BACH1: variants seen among roughly 807,000 people sequenced by gnomAD.
BACH1 encodes the protein transcription regulator protein BACH1.
In BACH1, 35 loss-of-function variants were observed where a neutral mutation model predicts 52.9. The ratio of observed to expected loss-of-function variants is 0.66; its 90% CI spans 0.51 to 0.88. BACH1 has a LOEUF of 0.88. BACH1 is among the 40% of genes least tolerant of loss of function. The probability of loss-of-function intolerance (pLI) is 0.00; values close to 1 mark genes in which losing one functional copy is unlikely to be tolerated. For synonymous variants in BACH1, 321 were observed against 319.6 expected, an observed-to-expected ratio of 1.00 and a Z score of -0.05; for missense variants, 808 against 872.6, an observed-to-expected ratio of 0.93 and a Z score of 0.93.
intron 1 of BACH1, among the ~76,000 whole-genome samples, chr21:29,302,246 G>A (rs954273833): frequency 7.9e-5 from 12 of 152,326 alleles, no homozygotes; most frequent in Non-Finnish European, 1.6e-4. Context: ...GTCAAATGAG[G>A]TAATGTACCG....
chr21:29,314,385 T>C (rs530295853), intron 1 of BACH1, among the ~76,000 whole-genome samples: 1 of 152,340 alleles, frequency 6.6e-6, no homozygotes, highest in East Asian at 1.9e-4. Flanking sequence ...TTTAACAAAC[T>C]TCCCTAACAG....
At chr21:29,331,276 GCTT>G (rs754756974) in intron 4 of BACH1, among the ~76,000 whole-genome samples, 2 of 152,126 alleles carry the variant, frequency 1.3e-5, no homozygotes, top group East Asian at 3.8e-4. Flanking sequence ...TCTTAGTTAT[GCTT>G]CTTAGTTCTT....
chr21:29,305,134 T>G (rs943121339), intron 1 of BACH1: 4 of 151,370 alleles, frequency 2.6e-5, no homozygotes, highest in African/African-American at 9.7e-5. Flanking sequence ...TAATTCAGGT[T>G]AAAAGAGGTA....
chr21:29,349,073 G>A (rs1424448753), downstream of BACH1, among the ~76,000 whole-genome samples: 3 of 149,448 alleles, frequency 2.0e-5, no homozygotes, highest in Admixed American at 6.7e-5. Flanking sequence ...CAGCCTGGGC[G>A]ACAGAGTGAG....
At chr21:29,304,699 C>G (rs1255028749) in intron 1 of BACH1, among the ~76,000 whole-genome samples, 1 of 152,056 alleles carries the variant, frequency 6.6e-6, no homozygotes, top group Non-Finnish European at 1.5e-5. Flanking sequence ...ATTGATTTGT[C>G]TGCCTCCAGG....
chr21:29,327,593 C>T (rs927785849), intron 3 of BACH1, among the ~76,000 whole-genome samples, 200 bp downstream of exon 3: 13 of 152,074 alleles, frequency 8.5e-5, no homozygotes, highest in African/African-American at 1.7e-4. Context: ...TTTGAGAAGC[C>T]GAGGTGTGGG....
chr21:29,336,161 C>G (rs2089041653), intron 4 of BACH1, among the ~76,000 whole-genome samples: 1 of 152,162 alleles, frequency 6.6e-6, no homozygotes, highest in East Asian at 1.9e-4. Flanking sequence ...CAAGTACTCT[C>G]ATTGTTTTAA....
intron 1 of BACH1, 138 bp downstream of exon 1, chr21:29,299,091 G>C (rs1044083281): frequency 9.4e-4 from 143 of 152,260 alleles, no homozygotes; most frequent in African/African-American, 3.3e-3. Context: ...TGGGCTGGGC[G>C]GGGCGCGGGG....
intron 2 of BACH1, 127 bp downstream of exon 2, chr21:29,321,641 A>C: frequency 2.9e-6 from 2 of 691,962 alleles, no homozygotes; most frequent in Non-Finnish European, 4.3e-6. Context: ...GTTCTGTGCA[A>C]CCCCTTTTTT....
Position 29,329,682 on chromosome 21 carries a change from A to G in BACH1, c.1765A>G (p.Ile589Val), listed in dbSNP as rs878995989. The G allele has an allele frequency of 6.6e-7, 1 of 1,524,968 alleles. No individual in the cohort carries two copies. Among genetic ancestry groups the G allele is most frequent in the South Asian group, 1.3e-5 (1 of 77,180 alleles). 94.5% of individuals were successfully genotyped at this position (1,524,968 alleles called of 1,614,324 possible). A position where few individuals can be genotyped will look rare whatever the true frequency, so the allele number is the denominator to read the frequency against. Residue 589 changes from isoleucine to valine, a missense_variant, in exon 4 of 5, where the codon ATT (isoleucine) becomes GTT (valine). Physicochemically the swap from Ile to Val is conservative, Grantham distance 29. Coordinates refer to ENST00000286800, the MANE Select transcript of BACH1 (RefSeq NM_001186.4). ...CTGTATACAGAATCTTGAATCAGAA[A>G]TTGAGAAGCTGGTAAGTGTAAAAGT... ...LDCIQNLESE[I>V]EKLQSEKESL...
At chr21:29,349,572 AG>A (rs2089190763), downstream of BACH1, among the ~76,000 whole-genome samples, 2 of 152,016 alleles carry the variant, frequency 1.3e-5, no homozygotes, top group African/African-American at 4.8e-5. Context: ...AGTCCGTGAG[AG>A]GTGTGGAGGG....
At chr21:29,315,913 C>T (rs1417170744) in intron 1 of BACH1, among the ~76,000 whole-genome samples, 1 of 151,762 alleles carries the variant, frequency 6.6e-6, no homozygotes, top group Admixed American at 6.6e-5. Context: ...TCATATGGCC[C>T]AGCTAACACT....
At chr21:29,350,413 A>T (rs1297435970), downstream of BACH1, among the ~76,000 whole-genome samples, 1 of 152,224 alleles carries the variant, frequency 6.6e-6, no homozygotes, top group African/African-American at 2.4e-5. Flanking sequence ...ACAAAACCTC[A>T]GTTGCTGATA....
At chr21:29,336,408 G>C (rs2089044571) in intron 4 of BACH1, among the ~76,000 whole-genome samples, 1 of 152,136 alleles carries the variant, frequency 6.6e-6, no homozygotes, top group Non-Finnish European at 1.5e-5. Context: ...CTGGGTAGCT[G>C]GGAAGTGCCA....
chr21:29,332,135 C>T (rs1168614873), intron 4 of BACH1, among the ~76,000 whole-genome samples: 2 of 152,112 alleles, frequency 1.3e-5, no homozygotes, highest in South Asian at 2.1e-4. Flanking sequence ...GGGGCTTCAC[C>T]GTGTTAGCCA....
At chr21:29,348,698 G>T (rs191881210), downstream of BACH1, among the ~76,000 whole-genome samples, 1 of 152,262 alleles carries the variant, frequency 6.6e-6, no homozygotes, top group Admixed American at 6.5e-5. Flanking sequence ...CCCTCTAGGG[G>T]CTCTGAGCCA....
chr21:29,329,284 A>T (rs1367706212), intron 3 of BACH1, among the ~76,000 whole-genome samples: 1 of 152,200 alleles, frequency 6.6e-6, no homozygotes, highest in Non-Finnish European at 1.5e-5. Context: ...CTCCTGCATG[A>T]CAGAGACCCT....
chr21:29,330,394 A>G (rs1472306478), intron 4 of BACH1, among the ~76,000 whole-genome samples: 1 of 151,828 alleles, frequency 6.6e-6, no homozygotes, highest in African/African-American at 2.4e-5. Context: ...GTGAGCCAGG[A>G]TGGTCTCGAT....
chr21:29,304,327 G>T (rs926226769), intron 1 of BACH1, among the ~76,000 whole-genome samples: 1 of 152,028 alleles, frequency 6.6e-6, no homozygotes, highest in Non-Finnish European at 1.5e-5. Context: ...GTTTCACCAT[G>T]TTGGCCAGGC....
Sources: gnomAD v4.1 joint callset for allele counts (sites outside exome capture counted in the v4.1 genomes callset) on GRCh38, gnomAD v4.1.1 for gene constraint, MANE v1.5 for transcripts, NCBI Gene and HGNC (gene_info 2026-07-23, HGNC 2026-07-21) for gene names.